DNAH8: variants seen among roughly 807,000 people sequenced by gnomAD.
DNAH8 encodes axonemal beta dynein heavy chain 8.
DNAH8 carries 382 observed loss-of-function variants against 562.1 expected under a neutral mutation model. That is an observed-to-expected ratio of 0.68 (90% confidence interval 0.63 to 0.74). The LOEUF (loss-of-function observed/expected upper bound fraction) is 0.74. Ranked by LOEUF, DNAH8 falls within the 30% of genes least tolerant of loss-of-function variation. The pLI is 0.00. For synonymous variants in DNAH8, 1,881 were observed against 1,919.4 expected, an observed-to-expected ratio of 0.98 and a Z score of 0.52; for missense variants, 5,203 against 5,620.4, an observed-to-expected ratio of 0.93 and a Z score of 2.37.
intron 10 of DNAH8, among the ~76,000 whole-genome samples, chr6:38,757,658 T>C (rs1443412876): frequency 6.6e-6 from 1 of 152,238 alleles, no homozygotes; most frequent in African/African-American, 2.4e-5. Context: ...GTTTTAGGTC[T>C]AACATTTAAG....
chr6:38,780,952 A>T (rs148638087), intron 15 of DNAH8, among the ~76,000 whole-genome samples: 51 of 152,338 alleles, frequency 3.3e-4, no homozygotes, highest in African/African-American at 1.2e-3. Context: ...AGATACTATT[A>T]TGACAGATAT....
At chr6:39,014,271 A>C (rs1451377119) in intron 91 of DNAH8, among the ~76,000 whole-genome samples, 1 of 152,108 alleles carries the variant, frequency 6.6e-6, no homozygotes, top group Non-Finnish European at 1.5e-5. Context: ...ATTTCCATTG[A>C]GTTAGGGGAG....
At chr6:38,871,287 A>G (rs1347579627) in intron 49 of DNAH8, among the ~76,000 whole-genome samples, 2 of 152,256 alleles carry the variant, frequency 1.3e-5, no homozygotes. Context: ...TATCTGAGAT[A>G]CATCCAAATC....
At chr6:39,021,122 T>C (rs1766890620) in intron 91 of DNAH8, among the ~76,000 whole-genome samples, 1 of 152,150 alleles carries the variant, frequency 6.6e-6, no homozygotes, top group Non-Finnish European at 1.5e-5. Flanking sequence ...TGCGGAGAAA[T>C]AGGAATGCTG....
chr6:38,815,737 T>C, intron 26 of DNAH8, 80 bp downstream of exon 26: 4 of 1,250,074 alleles, frequency 3.2e-6, no homozygotes, highest in South Asian at 3.4e-5. Flanking sequence ...TTATTTTATA[T>C]GTTTGATACC....
Position 38,918,031 on chromosome 6 carries a change from A to T in DNAH8, c.10415A>T (p.Tyr3472Phe). 1.2e-6 allele frequency: 2 copies of T among 1,613,856 alleles called. No homozygotes were observed. The highest frequency in any genetic ancestry group is 2.2e-5 in the East Asian group (1 of 44,850). The stretch of plus-strand genomic sequence containing the variant: ...CAGCCATATTTTAATATGGATGATT[A>T]TACTTTTGAAAGTGCCAAAAAAGTC... ...LLQPYFNMDD[Y>F]TFESAKKVCG... The change falls in exon 70 of 93, where the codon TAT becomes TTT. Residue 3472 changes from tyrosine (Y) to phenylalanine (F), a missense_variant. By Grantham distance (22) the Tyr-to-Phe change is conservative. Coordinates refer to ENST00000327475, the MANE Select transcript of DNAH8 (RefSeq NM_001206927.2).
chr6:38,802,249 A>AC (rs1440476007), intron 21 of DNAH8, among the ~76,000 whole-genome samples: 12 of 146,686 alleles, frequency 8.2e-5, no homozygotes, highest in East Asian at 6.0e-4. Flanking sequence ...ATTTACTTTT[A>AC]CGTTTTTTTT....
chr6:38,880,385 C>G (rs1256802151), intron 53 of DNAH8, among the ~76,000 whole-genome samples: 1 of 152,150 alleles, frequency 6.6e-6, no homozygotes, highest in East Asian at 1.9e-4. Context: ...GGGGACAGAT[C>G]TTATTTAAAC....
intron 32 of DNAH8, 110 bp downstream of exon 32, chr6:38,834,751 C>A: frequency 2.5e-6 from 2 of 801,116 alleles, no homozygotes; most frequent in East Asian, 5.1e-5. Flanking sequence ...TCAAGTACAT[C>A]AGTCCTTAAT....
At chr6:38,799,276 T>G (rs987566913) in intron 21 of DNAH8, among the ~76,000 whole-genome samples, 3 of 151,948 alleles carry the variant, frequency 2.0e-5, no homozygotes, top group African/African-American at 7.3e-5. Flanking sequence ...AGTTTCCACC[T>G]CTCTTCAAAA....
At chr6:38,799,636 C>A (rs1770598924) in intron 21 of DNAH8, among the ~76,000 whole-genome samples, 1 of 152,160 alleles carries the variant, frequency 6.6e-6, no homozygotes, top group Non-Finnish European at 1.5e-5. Context: ...TACAATTCAC[C>A]CATTTAAAGT....
intron 63 of DNAH8, among the ~76,000 whole-genome samples, chr6:38,907,327 GT>G (rs34348841): frequency 1.7e-4 from 25 of 151,382 alleles, no homozygotes; most frequent in African/African-American, 5.3e-4. Flanking sequence ...GAGTCCAGTG[GT>G]TTTTTTTTAG....
chr6:38,842,875 C>G lies in DNAH8; in HGVS notation c.4817C>G (p.Pro1606Arg). The change falls in exon 35 of 93, where the codon CCA becomes CGA. Residue 1606 changes from proline (P) to arginine (R), a missense_variant. Pro to Arg is a moderately radical substitution (Grantham distance 103). Coordinates refer to ENST00000327475, the MANE Select transcript of DNAH8 (RefSeq NM_001206927.2). ...SFCLRNIMEAPLLKHKDDIED... is the reference protein window; with the variant it reads ...SFCLRNIMEARLLKHKDDIED... ...TGCCTTAGAAATATCATGGAAGCAC[C>G]ACTCCTTAAACATAAGGATGATATT... 1 of 1,613,518 alleles carries G rather than the reference C, an allele frequency of 6.2e-7. No homozygotes were observed. Among genetic ancestry groups the G allele is most frequent in the Non-Finnish European group, 8.5e-7 (1 of 1,179,618 alleles).
chr6:38,716,700 A>G (rs7741440), intron 1 of DNAH8: 16,150 of 152,158 alleles, frequency 0.11, 946 homozygotes, highest in East Asian at 0.24. Context: ...TTAGTCTTTT[A>G]TGTAGCCACA....
chr6:38,866,997 T>G, intron 47 of DNAH8, 121 bp downstream of exon 47: 2 of 599,786 alleles, frequency 3.3e-6, no homozygotes, highest in Middle Eastern at 4.5e-4. Flanking sequence ...TAAAATGCTT[T>G]TAGAATTAAT....
Position 38,778,451 on chromosome 6 carries a change from C to A in DNAH8, c.2026C>A (p.Gln676Lys). ...AATCTTATCTTCTCAGCAGGCTCTT[C>A]AGCTACTTCAAAGGTATTCATAACA... ...GKILSSQQAL[Q>K]LLQRFQKLNI... is the part of the protein sequence containing the mutation. Residue 676 changes from glutamine to lysine, a missense_variant, in exon 14 of 93, where the codon CAG (glutamine) becomes AAG (lysine). This residue lies in a region of DNAH8 where 2,176 missense variants were observed against 2,365.1 expected (regional missense o/e 0.92). Coordinates refer to ENST00000327475, the MANE Select transcript of DNAH8 (RefSeq NM_001206927.2). 6.3e-7 allele frequency: 1 copy of A among 1,591,932 alleles called. No homozygotes were observed. The highest frequency in any genetic ancestry group is 8.6e-7 in the Non-Finnish European group (1 of 1,162,018).
intron 36 of DNAH8, among the ~76,000 whole-genome samples, chr6:38,846,651 C>T (rs1321593061): frequency 6.6e-6 from 1 of 152,122 alleles, no homozygotes; most frequent in Non-Finnish European, 1.5e-5. Flanking sequence ...AGAATCCTGG[C>T]AAAGATGACC....
At chr6:38,936,875 G>C (rs1783015667) in intron 77 of DNAH8, among the ~76,000 whole-genome samples, 1 of 152,154 alleles carries the variant, frequency 6.6e-6, no homozygotes, top group South Asian at 2.1e-4. Flanking sequence ...TCTAGGGTAG[G>C]CCAGAGTGCT....
chr6:38,929,446 G>A (rs923635690), intron 74 of DNAH8, 65 bp from the exon 75 acceptor site: 13 of 1,406,732 alleles, frequency 9.2e-6, no homozygotes, highest in Admixed American at 4.8e-5. Flanking sequence ...CAAATCTCTC[G>A]GTTTCCCTTA....
Sources: allele counts gnomAD v4.1 joint callset (sites outside exome capture counted in the v4.1 genomes callset), GRCh38; gene constraint gnomAD v4.1.1; regional missense constraint gnomAD v4.1.1; transcripts MANE v1.5; gene names NCBI Gene and HGNC (gene_info 2026-07-23, HGNC 2026-07-21).